The following GAA variants were observed in gnomAD, a reference collection of about 807,000 sequenced individuals.
GAA encodes alpha glucosidase.
A neutral mutation model predicts 103.9 loss-of-function variants in GAA; 88 were observed. The ratio of observed to expected loss-of-function variants is 0.85; its 90% CI spans 0.71 to 1.01. The LOEUF is 1.01. Ranked by LOEUF, GAA falls within the 50% of genes least tolerant of loss-of-function variation. GAA has a pLI of 0.00. For missense variants in GAA, 1,350 were observed against 1,305.3 expected (o/e 1.03, Z -0.53); for synonymous variants, 572 against 563.1 (o/e 1.02, Z -0.22).
chr17:80,113,418 A>G, intron 15 of GAA, 52 bp downstream of exon 15: 1 of 1,464,416 alleles, frequency 6.8e-7, no homozygotes, highest in Non-Finnish European at 9.2e-7. Flanking sequence ...GGGGAGGGGC[A>G]CGTAACTCCC....
chr17:80,118,048 G>A, intron 17 of GAA, 145 bp from the exon 18 acceptor site: 3 of 975,858 alleles, frequency 3.1e-6, no homozygotes, highest in South Asian at 3.2e-5. Context: ...TCACCACGGG[G>A]TTCCAGCCCC....
At chr17:80,114,745 C>T (rs1280687258) in intron 15 of GAA, among the ~76,000 whole-genome samples, 1 of 152,216 alleles carries the variant, frequency 6.6e-6, no homozygotes, top group African/African-American at 2.4e-5. Flanking sequence ...TTTATTTCTT[C>T]ATGTGGCTTT....
At chr17:80,105,630 C>A in intron 2 of GAA, 119 bp from the exon 3 acceptor site, 1 of 1,226,292 alleles carries the variant, frequency 8.2e-7, no homozygotes, top group Non-Finnish European at 1.2e-6. Flanking sequence ...GAATGTGCTG[C>A]CCATGGTCCC....
chr17:80,102,058 G>C (rs1023478196), intron 1 of GAA, 168 bp downstream of exon 1: 30 of 152,650 alleles, frequency 2.0e-4, no homozygotes, highest in African/African-American at 6.7e-4. Context: ...ACGGGGAGCC[G>C]CCCTCCTGTG....
intron 3 of GAA, 92 bp downstream of exon 3, chr17:80,105,986 A>T: frequency 6.8e-7 from 1 of 1,472,346 alleles, no homozygotes. Context: ...TTCTCACACG[A>T]TGGGCAGGGC....
chr17:80,110,639 C>A, intron 9 of GAA, 88 bp from the exon 10 acceptor site: 1 of 1,134,298 alleles, frequency 8.8e-7, no homozygotes, highest in Non-Finnish European at 1.3e-6. Flanking sequence ...AGTGAGGCTG[C>A]CCCTCTGCTC....
At chr17:80,113,716 T>C (rs1355887710) in intron 15 of GAA, among the ~76,000 whole-genome samples, 1 of 152,036 alleles carries the variant, frequency 6.6e-6, no homozygotes, top group Non-Finnish European at 1.5e-5. Context: ...AAATAGTTAA[T>C]GTCAAAAATC....
intron 12 of GAA, 49 bp from the exon 13 acceptor site, chr17:80,112,529 C>T (rs1327506796): frequency 2.5e-6 from 4 of 1,610,558 alleles, no homozygotes; most frequent in South Asian, 1.1e-5. Context: ...ACAGGGTTCC[C>T]GAGTGACCCC....
At chr17:80,112,371 G>A (rs986549801) in intron 12 of GAA, 6 of 647,350 alleles carry the variant, frequency 9.3e-6, no homozygotes, top group South Asian at 3.7e-5. Context: ...CTGTGAGGCT[G>A]GGGGGGGTCC....
At chr17:80,103,093 C>T (rs533115392) in intron 1 of GAA, among the ~76,000 whole-genome samples, 70 of 152,338 alleles carry the variant, frequency 4.6e-4, no homozygotes, top group Non-Finnish European at 9.0e-4. Context: ...GGGGGCAGAG[C>T]GTTCCCAGCC....
In GAA at chr17:80,110,619, G is replaced by A. The variant is rs12944802; in HGVS notation, c.1438-108G>A. 608,506 of 874,292 alleles carry A rather than the reference G, an allele frequency of 0.7. 214,820 individuals carry two copies. Among genetic ancestry groups the A allele is most frequent in the Middle Eastern group, 0.79 (2,374 of 2,992 alleles). 54.2% of individuals were successfully genotyped at this position (874,292 alleles called of 1,614,324 possible). ...GTCTCTCAGATTTGCAAATGTGGGC[G>A]TCCACTAAGAGTGAGGCTGCCCCTC... On this transcript the variant is annotated intron_variant, in intron 9 of 19. Transcript: ENST00000302262.
Position 80,108,616 on chromosome 17 carries a change from G to T in GAA, c.1194+9G>T. ...GGGCCCACTTCCCCCTGGTGAGTTG[G>T]GGTGGTGGCAGGGGAGGCAAGGGGC... On this transcript the variant is annotated intron_variant, in intron 7 of 19. Coordinates refer to ENST00000302262, the MANE Select transcript of GAA (RefSeq NM_000152.5). The T allele has an allele frequency of 6.2e-7, 1 of 1,612,794 alleles. No homozygotes were observed.
chr17:80,109,952 C>G lies in GAA; in HGVS notation c.1334C>G (p.Ala445Gly). 1 of 1,613,012 alleles carries G rather than the reference C, an allele frequency of 6.2e-7. No homozygotes were observed. Among genetic ancestry groups the G allele is most frequent in the Non-Finnish European group, 8.5e-7 (1 of 1,179,616 alleles). Residue 445 changes from alanine (A) to glycine (G), a missense_variant, in exon 9 of 20, where the codon GCC (alanine) becomes GGC (glycine). Ala to Gly is a moderately conservative substitution (Grantham distance 60). Transcript: ENST00000302262. ...GRRYMMIVDP[A>G]ISSSGPAGSY... ...AGGTTTCCCTCTTCCCAGGATCCTG[C>G]CATCAGCAGCTCGGGCCCTGCCGGG...
chr17:80,115,537 A>G (rs981568247), intron 15 of GAA, among the ~76,000 whole-genome samples: 1 of 152,226 alleles, frequency 6.6e-6, no homozygotes, highest in Non-Finnish European at 1.5e-5. Flanking sequence ...AAAGTAGCTG[A>G]CGTAAACTCT....
At chr17:80,109,921 C>T (rs748489194) in intron 8 of GAA, 24 bp from the exon 9 acceptor site, 3 of 1,597,574 alleles carry the variant, frequency 1.9e-6, no homozygotes, top group African/African-American at 1.3e-5. Flanking sequence ...CCACCCTCAC[C>T]TTGACAGGTT....
chr17:80,112,409 C>A, intron 12 of GAA, 169 bp from the exon 13 acceptor site: 1 of 859,610 alleles, frequency 1.2e-6, no homozygotes, highest in Non-Finnish European at 1.8e-6. Context: ...TCAGGTGGCC[C>A]AGACAGAGGC....
Position 80,119,738 on chromosome 17 carries a change from A to T in GAA, c.*407A>T. ...TGCTTCGCGCCTGCTGCTCTGCCCC[A>T]ACGCGACCGCTGCCCGGCTGCCCAG... On this transcript the variant is annotated 3_prime_UTR_variant, in exon 20 of 20. Coordinates refer to ENST00000302262, the MANE Select transcript of GAA (RefSeq NM_000152.5). 3.8e-6 allele frequency: 1 copy of T among 263,310 alleles called. No individual in the cohort carries two copies. The highest frequency in any genetic ancestry group is 9.4e-5 in the East Asian group (1 of 10,688). The allele number at this position is 263,310 out of a possible 1,614,324, so 16.3% of individuals were successfully genotyped here.
chr17:80,111,176 G>A, intron 11 of GAA, 151 bp downstream of exon 11: 1 of 820,006 alleles, frequency 1.2e-6, no homozygotes, highest in Non-Finnish European at 2.0e-6. Context: ...GGCTCAGGCT[G>A]GGAGACTCAG....
chr17:80,110,918 T>A, intron 10 of GAA, 23 bp from the exon 11 acceptor site: 4 of 1,613,812 alleles, frequency 2.5e-6, no homozygotes, highest in Non-Finnish European at 3.4e-6. Context: ...CAGAGTCACC[T>A]ACCAGCAGCG....
Sources: gnomAD v4.1 joint callset for allele counts (sites outside exome capture counted in the v4.1 genomes callset) on GRCh38, gnomAD v4.1.1 for gene constraint, MANE v1.5 for transcripts, NCBI Gene and HGNC (gene_info 2026-07-23, HGNC 2026-07-21) for gene names.